DOCK1: variants seen among roughly 807,000 people sequenced by gnomAD.
The protein encoded by DOCK1 is dedicator of cytokinesis 1.
In DOCK1, 138 loss-of-function variants were observed where a neutral mutation model predicts 262.7. That is an observed-to-expected ratio of 0.53 (90% confidence interval 0.46 to 0.61). The LOEUF (loss-of-function observed/expected upper bound fraction) is 0.61, where lower values mean the gene tolerates loss of function less well. Ranked by LOEUF, DOCK1 falls within the 20% of genes least tolerant of loss-of-function variation. The pLI is 0.00. For missense variants in DOCK1, 1,908 were observed against 2,370.7 expected (o/e 0.80, Z 4.05); for synonymous variants, 866 against 867.4 (o/e 1.00, Z 0.03).
intron 29 of DOCK1, among the ~76,000 whole-genome samples, chr10:127,305,019 C>T (rs1231186420): frequency 6.6e-6 from 1 of 152,132 alleles, no homozygotes; most frequent in Non-Finnish European, 1.5e-5. Context: ...TGATGAGCTT[C>T]TATAATGCCT....
At chr10:127,363,437 C>T (rs1272772236) in intron 33 of DOCK1, among the ~76,000 whole-genome samples, 2 of 151,938 alleles carry the variant, frequency 1.3e-5, no homozygotes, top group African/African-American at 4.8e-5. Context: ...CCACTGCACT[C>T]CCGCCTAGGT....
Position 127,127,691 on chromosome 10 carries a change from A to C in DOCK1, c.2774A>C (p.Gln925Pro). 1 of 1,612,884 alleles carries C rather than the reference A, an allele frequency of 6.2e-7. No homozygotes were observed. Among genetic ancestry groups the C allele is most frequent in the Non-Finnish European group, 8.5e-7 (1 of 1,179,044 alleles). ...KDVGPTQRHV[Q>P]IIMEKLLRTV... ...CAGGGGCCAACCCAGAGGCACGTCCAGATTATCATGGAGAAACTTCTCCGG... is the reference window on the plus strand; with the variant it reads ...CAGGGGCCAACCCAGAGGCACGTCCCGATTATCATGGAGAAACTTCTCCGG... Residue 925 changes from glutamine to proline, a missense_variant, in exon 27 of 52, where the codon CAG (glutamine) becomes CCG (proline). Around this residue, in one of 9 missense-constraint regions of DOCK1, gnomAD observed 518 missense variants for 575.1 expected, o/e 0.90. Coordinates refer to ENST00000623213, the MANE Select transcript of DOCK1 (RefSeq NM_001290223.2).
At chr10:126,963,353 A>G (rs1044673659) in intron 1 of DOCK1, among the ~76,000 whole-genome samples, 25 of 152,118 alleles carry the variant, frequency 1.6e-4, no homozygotes, top group African/African-American at 6.0e-4. Context: ...CAGTTTGTTC[A>G]TGTCTTTTAT....
At chr10:127,328,481 G>A (rs1238494858) in intron 29 of DOCK1, among the ~76,000 whole-genome samples, 1 of 152,206 alleles carries the variant, frequency 6.6e-6, no homozygotes, top group African/African-American at 2.4e-5. Context: ...GACCCTCACT[G>A]TATTGTTGTA....
rs567336927 is a variant in DOCK1, at chr10:127,210,013, A to G, written c.2848-37995A>G. Among the ~76,000 whole-genome samples, 9 of 152,302 alleles carry G rather than the reference A, an allele frequency of 5.9e-5. No individual in the cohort carries two copies. The East Asian group carries it at 1.7e-3, about 29-fold the overall frequency. On this transcript the variant is annotated intron_variant, in intron 27 of 51. Coordinates refer to ENST00000623213, the MANE Select transcript of DOCK1 (RefSeq NM_001290223.2). ...TTAAGGAATTCCAAACTTGACTGCT[A>G]GGCTGCTGGTACAAATCATCTTTCT...
At chr10:127,261,127 G>GTGTA (rs2060059331) in intron 29 of DOCK1, among the ~76,000 whole-genome samples, 1 of 144,556 alleles carries the variant, frequency 6.9e-6, no homozygotes, top group Admixed American at 6.8e-5. Context: ...ATGTGTGTGT[G>GTGTA]CCTGCATGTG....
intron 27 of DOCK1, among the ~76,000 whole-genome samples, chr10:127,154,093 A>C (rs1306003010): frequency 6.6e-6 from 1 of 152,204 alleles, no homozygotes; most frequent in Admixed American, 6.5e-5. Flanking sequence ...GTTGTACAAA[A>C]CCAATGCAAC....
chr10:126,996,308 A>G (rs1399395026), intron 6 of DOCK1, among the ~76,000 whole-genome samples: 1 of 141,438 alleles, frequency 7.1e-6, no homozygotes, highest in Non-Finnish European at 1.5e-5. Flanking sequence ...TGAACCCGGG[A>G]GATGGAGGTT....
chr10:126,972,988 CAGAG>C (rs1384218436), intron 2 of DOCK1, among the ~76,000 whole-genome samples: 3 of 151,642 alleles, frequency 2.0e-5, no homozygotes, highest in Non-Finnish European at 2.9e-5. Context: ...TGAGAGGAGA[CAGAG>C]AGAAATTAAG....
At chr10:126,980,464 G>A (rs961069801) in intron 3 of DOCK1, among the ~76,000 whole-genome samples, 2 of 152,120 alleles carry the variant, frequency 1.3e-5, no homozygotes, top group Non-Finnish European at 2.9e-5. Flanking sequence ...TTGGCTTCCC[G>A]AAGTGCCGGT....
At chr10:126,994,750 CTCTT>C (rs1244994044) in intron 6 of DOCK1, among the ~76,000 whole-genome samples, 3 of 152,352 alleles carry the variant, frequency 2.0e-5, no homozygotes, top group East Asian at 3.9e-4. Flanking sequence ...AATCTGATCT[CTCTT>C]TCTTTTCCCC....
chr10:127,376,285 A>G (rs1413205610), intron 35 of DOCK1, among the ~76,000 whole-genome samples: 8 of 152,246 alleles, frequency 5.3e-5, no homozygotes, highest in Admixed American at 5.2e-4. Flanking sequence ...AGTGTGAAGA[A>G]TGCCTCTGAT....
intron 27 of DOCK1, among the ~76,000 whole-genome samples, chr10:127,209,293 G>A (rs1280834192): frequency 6.6e-6 from 1 of 152,216 alleles, no homozygotes; most frequent in East Asian, 1.9e-4. Flanking sequence ...AAATGCAAGT[G>A]CATGTGCCTA....
At chr10:127,106,111 C>A in intron 23 of DOCK1, 120 bp from the exon 24 acceptor site, 1 of 1,026,052 alleles carries the variant, frequency 9.7e-7, no homozygotes, top group Non-Finnish European at 1.4e-6. Flanking sequence ...GTCAGCCCCT[C>A]ATCTGGAAGT....
rs1736548103 is a variant in DOCK1, at chr10:127,231,583, C to T, written c.2848-16425C>T. The stretch of plus-strand genomic sequence containing the variant: ...TTCAGGCACACACCACCATGCCTGG[C>T]TAAACACATTTCTTTGGAAGAGTGC... On this transcript the variant is annotated intron_variant, in intron 27 of 51. Coordinates refer to ENST00000623213, the MANE Select transcript of DOCK1 (RefSeq NM_001290223.2). Among the ~76,000 whole-genome samples the T allele has an allele frequency of 2.0e-5, 3 of 152,158 alleles. No individual in the cohort carries two copies. The South Asian group carries it at 6.2e-4, about 32-fold the overall frequency.
chr10:127,336,162 T>C (rs971664717), intron 29 of DOCK1, among the ~76,000 whole-genome samples: 1 of 152,152 alleles, frequency 6.6e-6, no homozygotes, highest in African/African-American at 2.4e-5. Context: ...AGTTAGTCTC[T>C]GGTTATGTTT....
At chr10:127,005,756 T>C (rs2040968695) in intron 10 of DOCK1, among the ~76,000 whole-genome samples, 1 of 152,234 alleles carries the variant, frequency 6.6e-6, no homozygotes, top group Non-Finnish European at 1.5e-5. Context: ...TTATTTTTTC[T>C]GTGTGTGGCA....
intron 38 of DOCK1, among the ~76,000 whole-genome samples, chr10:127,399,264 G>A (rs2067087820): frequency 1.3e-5 from 2 of 152,164 alleles, no homozygotes; most frequent in Admixed American, 6.5e-5. Context: ...TTCTGAGAAC[G>A]GAGCCAAACC....
chr10:127,170,410 C>G (rs907496455), intron 27 of DOCK1, among the ~76,000 whole-genome samples: 2 of 152,200 alleles, frequency 1.3e-5, no homozygotes, highest in South Asian at 4.1e-4. Context: ...GAATCTGCTT[C>G]ACTCTGGGCA....
Sources: allele counts gnomAD v4.1 joint callset (sites outside exome capture counted in the v4.1 genomes callset), GRCh38; gene constraint gnomAD v4.1.1; regional missense constraint gnomAD v4.1.1; transcripts MANE v1.5; gene names NCBI Gene and HGNC (gene_info 2026-07-23, HGNC 2026-07-21).